Variants in FOXP2 observed in about 807,000 individuals in gnomAD.
The protein encoded by FOXP2 is forkhead box protein P2.
Under a neutral mutation model 115.8 loss-of-function variants are expected in FOXP2, and 12 were observed. The observed-to-expected ratio is 0.10, with a 90% confidence interval of 0.07 to 0.17. The LOEUF (loss-of-function observed/expected upper bound fraction) is 0.17. Ranked by LOEUF, FOXP2 falls within the 10% of genes least tolerant of loss-of-function variation. The pLI is 1.00. For synonymous variants in FOXP2, 328 were observed against 297.7 expected (o/e 1.10, Z -1.05); for missense variants, 629 against 843.5 (o/e 0.75, Z 3.15).
chr7:114,130,509 C>G (rs984982150), intron 1 of FOXP2, among the ~76,000 whole-genome samples: 7 of 152,144 alleles, frequency 4.6e-5, no homozygotes, highest in African/African-American at 1.4e-4. Flanking sequence ...TCTAGGCAAA[C>G]TATTGCTAGT....
intron 2 of FOXP2, among the ~76,000 whole-genome samples, chr7:114,456,332 G>A (rs1025989494): frequency 6.6e-6 from 1 of 152,150 alleles, no homozygotes; most frequent in Non-Finnish European, 1.5e-5. Context: ...TTTTAAAACA[G>A]TAACCCAGGT....
At chr7:114,649,958 C>T (rs1324521102) in intron 8 of FOXP2, among the ~76,000 whole-genome samples, 1 of 152,078 alleles carries the variant, frequency 6.6e-6, no homozygotes, top group Non-Finnish European at 1.5e-5. Flanking sequence ...AGGCTCATTA[C>T]TGAACATCAC....
intron 2 of FOXP2, among the ~76,000 whole-genome samples, chr7:114,443,654 A>G (rs1439622138): frequency 2.0e-5 from 3 of 152,112 alleles, no homozygotes; most frequent in South Asian, 2.1e-4. Context: ...GCTCCCACTT[A>G]TAAGTGAGAA....
intron 2 of FOXP2, among the ~76,000 whole-genome samples, chr7:114,337,637 T>C (rs189194045): frequency 6.6e-6 from 1 of 151,254 alleles, no homozygotes; most frequent in East Asian, 1.9e-4. Flanking sequence ...GGGTAAATGG[T>C]TTACTTGGAG....
At chr7:114,665,276 A>G (rs1807103579) in intron 16 of FOXP2, 1 of 152,174 alleles carries the variant, frequency 6.6e-6, no homozygotes, top group Non-Finnish European at 1.5e-5. Flanking sequence ...TTGAATCTGA[A>G]TAATGAAGTG....
At position 114,664,397 on chromosome 7, in the gene FOXP2, A is replaced by G; in HGVS notation, c.1964A>G (p.Asn655Ser). Residue 655 changes from asparagine to serine, a missense_variant, in exon 16 of 17, where the codon AAT becomes AGT. Transcript: ENST00000350908. ...GGTTCTCTGGATCACATTGACAGCA[A>G]TGGAAACAGTAGTCCGGGCTGCTCA... ...LNGSLDHIDS[N>S]GNSSPGCSPQ... 1 of 1,613,600 alleles carries G rather than the reference A, an allele frequency of 6.2e-7. No homozygotes were observed. Among genetic ancestry groups the G allele is most frequent in the Non-Finnish European group, 8.5e-7 (1 of 1,179,690 alleles).
At chr7:114,662,957 A>G (rs556189312) in intron 14 of FOXP2, among the ~76,000 whole-genome samples, 1 of 152,258 alleles carries the variant, frequency 6.6e-6, no homozygotes, top group South Asian at 2.1e-4. Flanking sequence ...TTTGATTTCT[A>G]TAGTCAAGTA....
At chr7:114,088,992 A>G (rs1379492419) in intron 1 of FOXP2, among the ~76,000 whole-genome samples, 2 of 152,186 alleles carry the variant, frequency 1.3e-5, no homozygotes, top group East Asian at 1.9e-4. Flanking sequence ...AAAATTCTGT[A>G]CACTGTGATC....
intron 16 of FOXP2, among the ~76,000 whole-genome samples, chr7:114,677,971 G>T (rs1245213777): frequency 6.6e-6 from 1 of 152,190 alleles, no homozygotes; most frequent in African/African-American, 2.4e-5. Context: ...CTAATAGAGG[G>T]ATAAGTACAT....
At chr7:114,669,277 G>A (rs1037227879) in intron 16 of FOXP2, 1 of 151,960 alleles carries the variant, frequency 6.6e-6, no homozygotes, top group Non-Finnish European at 1.5e-5. Context: ...CAAAAAGTAG[G>A]AAAGGTTAAA....
intron 1 of FOXP2, among the ~76,000 whole-genome samples, chr7:114,198,685 G>C (rs1793976626): frequency 6.6e-6 from 1 of 152,180 alleles, no homozygotes; most frequent in Non-Finnish European, 1.5e-5. Flanking sequence ...ACCAGTACCG[G>C]TCTGTGGCCT....
intron 16 of FOXP2, among the ~76,000 whole-genome samples, chr7:114,674,597 T>A (rs1298674522): frequency 6.6e-6 from 1 of 152,012 alleles, no homozygotes; most frequent in East Asian, 1.9e-4. Context: ...AAAGAGAAAA[T>A]CTTGAAAGAT....
intron 6 of FOXP2, 77 bp downstream of exon 6, chr7:114,631,782 C>A: frequency 1.3e-6 from 2 of 1,494,214 alleles, no homozygotes; most frequent in Middle Eastern, 1.7e-4. Flanking sequence ...TGCCTTATAC[C>A]TTGAGAAATT....
intron 1 of FOXP2, among the ~76,000 whole-genome samples, chr7:114,286,624 ATTG>A (rs1259073887): frequency 6.6e-6 from 1 of 152,096 alleles, no homozygotes; most frequent in African/African-American, 2.4e-5. Context: ...AGAAAATTTT[ATTG>A]TTAAGAGAAA....
chr7:114,248,566 A>G (rs1264231219), intron 1 of FOXP2, among the ~76,000 whole-genome samples: 3 of 152,200 alleles, frequency 2.0e-5, no homozygotes, highest in Non-Finnish European at 4.4e-5. Flanking sequence ...ATTTTTGTTT[A>G]CTGTTGGTTA....
chr7:114,689,225 G>T (rs565499298), intron 16 of FOXP2, among the ~76,000 whole-genome samples: 1 of 152,052 alleles, frequency 6.6e-6, no homozygotes, highest in South Asian at 2.1e-4. Context: ...AATAGTACTG[G>T]CATCCTGGTA....
At chr7:114,615,449 A>G (rs1803886105) in intron 3 of FOXP2, among the ~76,000 whole-genome samples, 1 of 152,168 alleles carries the variant, frequency 6.6e-6, no homozygotes. Flanking sequence ...CAAGACATAG[A>G]ACATTGTCTC....
At chr7:114,129,268 T>A (rs907633344) in intron 1 of FOXP2, among the ~76,000 whole-genome samples, 8 of 152,228 alleles carry the variant, frequency 5.3e-5, no homozygotes, top group Non-Finnish European at 1.2e-4. Flanking sequence ...GGATTTTAAC[T>A]GCAAGTTCTG....
chr7:114,149,028 G>T (rs1373075940), intron 1 of FOXP2, among the ~76,000 whole-genome samples: 1 of 152,030 alleles, frequency 6.6e-6, no homozygotes, highest in Non-Finnish European at 1.5e-5. Context: ...TCATTGAATT[G>T]TTAGTGCGGA....
Sources: gnomAD v4.1 joint callset for allele counts (sites outside exome capture counted in the v4.1 genomes callset) on GRCh38, gnomAD v4.1.1 for gene constraint, MANE v1.5 for transcripts, NCBI Gene and HGNC (gene_info 2026-07-23, HGNC 2026-07-21) for gene names.